The following CELF2 variants were observed in gnomAD, a reference collection of about 807,000 sequenced individuals.
CELF2 encodes the protein CUGBP Elav-like family member 2.
Under a neutral mutation model 62.6 loss-of-function variants are expected in CELF2, and 8 were observed. The ratio of observed to expected loss-of-function variants is 0.13; its 90% CI spans 0.07 to 0.23. The LOEUF is 0.23. Ranked by LOEUF, CELF2 falls within the 10% of genes least tolerant of loss-of-function variation. The pLI, the probability that CELF2 is intolerant of heterozygous loss-of-function variation, is 1.00. For missense variants in CELF2, 333 were observed against 671.0 expected, an observed-to-expected ratio of 0.50 and a Z score of 5.56; for synonymous variants, 258 against 250.0, an observed-to-expected ratio of 1.03 and a Z score of -0.30.
chr10:10,860,874 G>C (rs1004564233), intron 1 of CELF2, among the ~76,000 whole-genome samples: 7 of 152,202 alleles, frequency 4.6e-5, no homozygotes, highest in Non-Finnish European at 8.8e-5. Context: ...TAAAAGCTTG[G>C]CTGCTATGAT....
At chr10:10,880,269 G>A (rs2061366009) in intron 1 of CELF2, among the ~76,000 whole-genome samples, 1 of 152,114 alleles carries the variant, frequency 6.6e-6, no homozygotes, top group Non-Finnish European at 1.5e-5. Context: ...TTTGGGCTTG[G>A]GAAGACTTAG....
At chr10:11,284,500 GGGGGATGAGGGATGAGTGTGTGGT>G (rs2090449728) in intron 8 of CELF2, among the ~76,000 whole-genome samples, 1 of 100,980 alleles carries the variant, frequency 9.9e-6, no homozygotes, top group Non-Finnish European at 2.1e-5. Flanking sequence ...AGTGTGTGGT[GGGGGATGAGGGATGAGTGTGTGGT>G]GGGTGGATGA....
At chr10:11,284,496 T>A (rs2090442709) in intron 8 of CELF2, among the ~76,000 whole-genome samples, 1 of 109,120 alleles carries the variant, frequency 9.2e-6, no homozygotes, top group Non-Finnish European at 1.9e-5. Context: ...GATGAGTGTG[T>A]GGTGGGGGAT....
chr10:11,032,392 G>T (rs955228625), intron 1 of CELF2, among the ~76,000 whole-genome samples: 3 of 151,976 alleles, frequency 2.0e-5, no homozygotes, highest in South Asian at 2.1e-4. Flanking sequence ...CTGAGGTGGG[G>T]GAATCGCTTG....
chr10:11,261,924 T>C (rs920949778), intron 5 of CELF2, among the ~76,000 whole-genome samples: 5 of 152,192 alleles, frequency 3.3e-5, no homozygotes, highest in Admixed American at 3.3e-4. Context: ...TTTCCTAAAA[T>C]ACACACACTC....
intron 2 of CELF2, among the ~76,000 whole-genome samples, chr10:11,216,318 G>C (rs900662089): frequency 1.3e-5 from 2 of 152,148 alleles, no homozygotes; most frequent in Admixed American, 6.5e-5. Flanking sequence ...TTTTCCCCCT[G>C]AAATGGCAGC....
the CELF2 span, among the ~76,000 whole-genome samples, chr10:10,566,751 C>T: frequency 6.6e-5 from 10 of 152,152 alleles, no homozygotes; most frequent in East Asian, 1.9e-3. Flanking sequence ...TAGATTAGAG[C>T]TGAATTCTAT....
chr10:10,672,477 G>T, the CELF2 span, among the ~76,000 whole-genome samples: 1 of 144,670 alleles, frequency 6.9e-6, no homozygotes, highest in East Asian at 2.0e-4. Flanking sequence ...TAGAAGGTCT[G>T]TGTCTACATT....
At chr10:11,139,624 C>T (rs979675856) in intron 1 of CELF2, among the ~76,000 whole-genome samples, 1 of 152,148 alleles carries the variant, frequency 6.6e-6, no homozygotes, top group Non-Finnish European at 1.5e-5. Context: ...ATCGCTCAAG[C>T]TTGTGAGTTA....
At position 10,872,656 on chromosome 10, in the gene CELF2, A is replaced by AAAC. The variant is rs1328654457; in HGVS notation, c.54-47290_54-47288dup. Among the ~76,000 whole-genome samples the AAAC allele has an allele frequency of 2.9e-5, 4 of 138,628 alleles. No homozygotes were observed. The South Asian group carries it at 6.9e-4, about 24-fold the overall frequency. The allele number at this position is 138,628 out of a possible 152,430, so 90.9% of individuals were successfully genotyped here. The stretch of plus-strand genomic sequence containing the variant: ...CATGTAAAATAAACCCACAGAAGCA[A>AAAC]AACAACAACAACAACAACAAAAAAC... On this transcript the variant is annotated intron_variant, in intron 1 of 13. Transcript: ENST00000636488.
chr10:10,585,376 C>A, the CELF2 span, among the ~76,000 whole-genome samples: 1 of 152,130 alleles, frequency 6.6e-6, no homozygotes, highest in South Asian at 2.1e-4. Flanking sequence ...TTATCTTTCC[C>A]TTCTGTCCTC....
intron 1 of CELF2, among the ~76,000 whole-genome samples, chr10:11,106,793 G>T (rs2053613899): frequency 6.6e-6 from 1 of 152,240 alleles, no homozygotes; most frequent in African/African-American, 2.4e-5. Flanking sequence ...TGCAGTTGTG[G>T]TTCTGTTTAC....
chr10:10,833,573 G>T (rs1002054945), intron 1 of CELF2, among the ~76,000 whole-genome samples: 1 of 152,138 alleles, frequency 6.6e-6, no homozygotes. Context: ...TATAATCAAG[G>T]ATTGTGAATC....
In CELF2 at chr10:10,983,174, C is replaced by T. The variant is rs1254382797; in HGVS notation, c.89+63175C>T. Among the ~76,000 whole-genome samples the T allele has an allele frequency of 6.6e-6, 1 of 151,820 alleles. No individual in the cohort carries two copies. Among genetic ancestry groups the T allele is most frequent in the African/African-American group, 2.4e-5 (1 of 41,304 alleles). On this transcript the variant is annotated intron_variant, in intron 2 of 13. Transcript: ENST00000636488. The surrounding 1 kb of genome is among the most constrained non-coding windows in gnomAD (Gnocchi z 5.2). ...ATTTTTCAGAAGGCAAGTTCAGACACATAGGTTTATACAAGATGAAAATAT... is the reference window on the plus strand; with the variant it reads ...ATTTTTCAGAAGGCAAGTTCAGACATATAGGTTTATACAAGATGAAAATAT...
intron 2 of CELF2, among the ~76,000 whole-genome samples, chr10:10,980,047 C>A (rs1022442658): frequency 2.0e-5 from 3 of 152,142 alleles, no homozygotes; most frequent in Non-Finnish European, 4.4e-5. Flanking sequence ...ACACATAATT[C>A]AATTCAAAGT....
At chr10:10,673,235 C>G in the CELF2 span, among the ~76,000 whole-genome samples, 16 of 152,032 alleles carry the variant, frequency 1.1e-4, no homozygotes, top group Non-Finnish European at 1.5e-5. Context: ...AATGTCCAAA[C>G]AAATTTGTTT....
At chr10:11,162,755 A>G (rs2066011119) in intron 1 of CELF2, among the ~76,000 whole-genome samples, 1 of 152,184 alleles carries the variant, frequency 6.6e-6, no homozygotes, top group Non-Finnish European at 1.5e-5. Flanking sequence ...TTTGATGGTC[A>G]CTCATTTCAG....
Position 11,297,905 on chromosome 10 carries a change from C to T in CELF2, c.976+9353C>T, listed in dbSNP as rs1371895182. ...GCTGAGGCAGGAAAATGACTTGAAC[C>T]CAGGAGGCAGAGGTTGCAGTGAGCC... On this transcript the variant is annotated intron_variant, in intron 9 of 12. Coordinates refer to ENST00000633077, the MANE Select transcript of CELF2 (RefSeq NM_001326342.2). The surrounding 1 kb of genome is among the most constrained non-coding windows in gnomAD (Gnocchi z 4.4). 6.6e-6 allele frequency among the ~76,000 whole-genome samples: 1 copy of T among 152,128 alleles called. No individual in the cohort carries two copies. The highest frequency in any genetic ancestry group is 2.4e-5 in the African/African-American group (1 of 41,416).
the CELF2 span, among the ~76,000 whole-genome samples, chr10:10,611,730 A>T: frequency 0.047 from 7,158 of 152,236 alleles, 499 homozygotes; most frequent in African/African-American, 0.15. Context: ...ACACTCAAAT[A>T]CTCACACACA....
Sources: allele counts gnomAD v4.1 joint callset (sites outside exome capture counted in the v4.1 genomes callset), GRCh38; gene constraint gnomAD v4.1.1; non-coding constraint Gnocchi (gnomAD v3.1); transcripts MANE v1.5; gene names NCBI Gene and HGNC (gene_info 2026-07-23, HGNC 2026-07-21).